The following PDLIM5 variants were observed in gnomAD, a reference collection of about 807,000 sequenced individuals.
The protein encoded by PDLIM5 is PDZ and LIM domain 5.
In PDLIM5, 34 loss-of-function variants were observed where a neutral mutation model predicts 64.2. The ratio of observed to expected loss-of-function variants is 0.53; its 90% confidence interval spans 0.40 to 0.71. The LOEUF (loss-of-function observed/expected upper bound fraction) is 0.71. Among genes scored for constraint, PDLIM5 ranks in the 30% least tolerant of loss-of-function variants. The pLI, the probability that PDLIM5 is intolerant of heterozygous loss-of-function variation, is 0.00. For missense variants in PDLIM5, 683 were observed against 733.6 expected, an observed-to-expected ratio of 0.93 and a Z score of 0.80; for synonymous variants, 253 against 269.1, an observed-to-expected ratio of 0.94 and a Z score of 0.59.
intron 8 of PDLIM5, among the ~76,000 whole-genome samples, chr4:94,620,728 T>C (rs1345363804): frequency 6.6e-6 from 1 of 152,062 alleles, no homozygotes; most frequent in East Asian, 1.9e-4. Flanking sequence ...GTCTATTTTA[T>C]AGTGGCATGT....
chr4:94,547,704 A>ATGT (rs141322243), intron 3 of PDLIM5, among the ~76,000 whole-genome samples: 50 of 152,318 alleles, frequency 3.3e-4, no homozygotes, highest in African/African-American at 1.2e-3. Context: ...GACTGTAACA[A>ATGT]TGTAGATTAT....
chr4:94,590,730 T>C (rs376352766), intron 7 of PDLIM5, among the ~76,000 whole-genome samples: 50 of 152,150 alleles, frequency 3.3e-4, no homozygotes, highest in Middle Eastern at 3.4e-3. Context: ...AACAGAAAGG[T>C]CAGTGTGGCT....
chr4:94,481,632 G>A (rs1454982015), intron 2 of PDLIM5, among the ~76,000 whole-genome samples: 3 of 149,302 alleles, frequency 2.0e-5, no homozygotes, highest in Non-Finnish European at 4.4e-5. Context: ...TTTTTGAGAC[G>A]GAGTCTCGTT....
At chr4:94,658,702 T>C (rs1268673077) in intron 11 of PDLIM5, among the ~76,000 whole-genome samples, 1 of 152,220 alleles carries the variant, frequency 6.6e-6, no homozygotes, top group African/African-American at 2.4e-5. Flanking sequence ...ATTTTCATCT[T>C]CCTTTCAGCT....
intron 2 of PDLIM5, among the ~76,000 whole-genome samples, chr4:94,494,774 A>C (rs1192315361): frequency 6.7e-6 from 1 of 149,570 alleles, no homozygotes; most frequent in East Asian, 2.0e-4. Context: ...TTTGTGACAG[A>C]GTCTTGCCCT....
intron 7 of PDLIM5, among the ~76,000 whole-genome samples, chr4:94,598,043 G>A (rs1356074970): frequency 6.6e-6 from 1 of 152,144 alleles, no homozygotes; most frequent in Admixed American, 6.5e-5. Context: ...AAATGAGGTT[G>A]ATAAGTATGT....
At chr4:94,600,876 C>A (rs1737433715) in intron 7 of PDLIM5, among the ~76,000 whole-genome samples, 1 of 152,074 alleles carries the variant, frequency 6.6e-6, no homozygotes, top group Non-Finnish European at 1.5e-5. Flanking sequence ...TGGCTTTAGA[C>A]CCTATAGAAC....
At chr4:94,475,807 T>A (rs1725272542) in intron 2 of PDLIM5, among the ~76,000 whole-genome samples, 1 of 152,196 alleles carries the variant, frequency 6.6e-6, no homozygotes, top group African/African-American at 2.4e-5. Context: ...TACCTGGAGT[T>A]TTACAAATTA....
intron 8 of PDLIM5, among the ~76,000 whole-genome samples, chr4:94,637,924 A>T (rs1740696546): frequency 6.6e-6 from 1 of 152,156 alleles, no homozygotes; most frequent in South Asian, 2.1e-4. Context: ...GTGGGTTTGG[A>T]TTAGAACGGA....
intron 5 of PDLIM5, chr4:94,582,870 AT>A (rs765157667): frequency 8.3e-4 from 502 of 603,642 alleles, no homozygotes; most frequent in Admixed American, 1.1e-3. Context: ...CATAAGAAGC[AT>A]TTTTTTTTAT....
At chr4:94,627,204 A>G (rs1402802767) in intron 8 of PDLIM5, among the ~76,000 whole-genome samples, 1 of 152,196 alleles carries the variant, frequency 6.6e-6, no homozygotes, top group Non-Finnish European at 1.5e-5. Flanking sequence ...CATTGTCAAA[A>G]CTGGGGTGTG....
At chr4:94,638,816 T>A (rs1020857362) in intron 8 of PDLIM5, among the ~76,000 whole-genome samples, 1 of 152,222 alleles carries the variant, frequency 6.6e-6, no homozygotes, top group Non-Finnish European at 1.5e-5. Context: ...TTTGTATTGA[T>A]TCCAGTTTAT....
At chr4:94,514,917 T>C (rs1294203292) in intron 2 of PDLIM5, among the ~76,000 whole-genome samples, 15 of 152,236 alleles carry the variant, frequency 9.9e-5, no homozygotes, top group Admixed American at 9.8e-4. Context: ...TATTTTTAAA[T>C]GTGCATACTT....
chr4:94,615,463 A>T (rs1214652629), intron 7 of PDLIM5, among the ~76,000 whole-genome samples: 1 of 152,138 alleles, frequency 6.6e-6, no homozygotes. Context: ...TATGGATAAG[A>T]TGTGGATGGG....
chr4:94,543,044 C>T (rs367746374), intron 3 of PDLIM5, among the ~76,000 whole-genome samples: 19 of 152,270 alleles, frequency 1.2e-4, no homozygotes, highest in African/African-American at 1.9e-4. Flanking sequence ...AGTCATTACT[C>T]GGATGAAGGT....
chr4:94,630,931 T>C (rs1022750652), intron 8 of PDLIM5, among the ~76,000 whole-genome samples: 1 of 152,142 alleles, frequency 6.6e-6, no homozygotes, highest in Non-Finnish European at 1.5e-5. Context: ...TCTATAATTA[T>C]GTTTCTCATT....
At chr4:94,583,157 A>G (rs1249575116) in intron 5 of PDLIM5, among the ~76,000 whole-genome samples, 1 of 152,048 alleles carries the variant, frequency 6.6e-6, no homozygotes, top group Middle Eastern at 3.2e-3. Context: ...CTTTTCTTTC[A>G]TCATGGTCAT....
At chr4:94,473,198 A>T (rs1181181165) in intron 2 of PDLIM5, among the ~76,000 whole-genome samples, 2 of 152,240 alleles carry the variant, frequency 1.3e-5, no homozygotes, top group East Asian at 3.9e-4. Context: ...TTCAAGGAAC[A>T]GCAAGGCTCC....
chr4:94,535,122 G>A (rs1731204866), intron 3 of PDLIM5, among the ~76,000 whole-genome samples: 1 of 152,064 alleles, frequency 6.6e-6, no homozygotes, highest in Non-Finnish European at 1.5e-5. Context: ...GAGGCAGGGA[G>A]ACTAGTCAGG....
Sources: gnomAD v4.1 joint callset for allele counts (sites outside exome capture counted in the v4.1 genomes callset) on GRCh38, gnomAD v4.1.1 for gene constraint, MANE v1.5 for transcripts, NCBI Gene and HGNC (gene_info 2026-07-23, HGNC 2026-07-21) for gene names.